AP3B1: variants seen among roughly 807,000 people sequenced by gnomAD.
The protein encoded by AP3B1 is AP-3 complex subunit beta-1.
AP3B1 carries 61 observed loss-of-function variants against 132.5 expected under a neutral mutation model. The observed-to-expected ratio is 0.46, with a 90% confidence interval of 0.37 to 0.57. The LOEUF (loss-of-function observed/expected upper bound fraction) is 0.57. Among genes scored for constraint, AP3B1 ranks in the 20% least tolerant of loss-of-function variants. The probability of loss-of-function intolerance (pLI) is 0.00; values close to 1 mark genes in which losing one functional copy is unlikely to be tolerated. For synonymous variants in AP3B1, 388 were observed against 438.3 expected (o/e 0.89, Z 1.43); for missense variants, 1,120 against 1,289.4 (o/e 0.87, Z 2.01).
intron 14 of AP3B1, among the ~76,000 whole-genome samples, chr5:78,155,060 C>A (rs1743091466): frequency 6.6e-6 from 1 of 152,154 alleles, no homozygotes; most frequent in Non-Finnish European, 1.5e-5. Context: ...TTATTGTAGT[C>A]TTCACAGTCT....
intron 22 of AP3B1, among the ~76,000 whole-genome samples, chr5:78,052,875 T>C (rs1368197783): frequency 2.6e-5 from 4 of 152,354 alleles, no homozygotes; most frequent in African/African-American, 7.2e-5. Flanking sequence ...ATACTATTCA[T>C]ACATATGTTC....
chr5:78,199,221 T>C (rs1745193955), intron 7 of AP3B1, among the ~76,000 whole-genome samples: 1 of 152,242 alleles, frequency 6.6e-6, no homozygotes, highest in Non-Finnish European at 1.5e-5. Context: ...AGCTCTAGTA[T>C]GTAAGAAACA....
intron 22 of AP3B1, among the ~76,000 whole-genome samples, chr5:78,044,446 T>A (rs541432467): frequency 1.3e-5 from 2 of 152,350 alleles, no homozygotes; most frequent in Admixed American, 1.3e-4. Flanking sequence ...CACAAACATA[T>A]TTGTTATCAA....
downstream of AP3B1, chr5:78,001,009 AT>A (rs1468301297): frequency 3.3e-5 from 5 of 152,222 alleles, no homozygotes; most frequent in Admixed American, 6.5e-5. Context: ...ACTACATTAT[AT>A]TATTGATTTA....
intron 13 of AP3B1, among the ~76,000 whole-genome samples, chr5:78,157,323 G>A (rs1743194462): frequency 6.6e-6 from 1 of 151,958 alleles, no homozygotes; most frequent in African/African-American, 2.4e-5. Context: ...CCTTAATCCT[G>A]ACCACAGTTT....
intron 18 of AP3B1, among the ~76,000 whole-genome samples, chr5:78,115,107 C>T (rs772848456): frequency 1.2e-4 from 18 of 152,108 alleles, no homozygotes; most frequent in Non-Finnish European, 2.2e-4. Context: ...AATAAAGCTA[C>T]TAAATAAGGA....
At chr5:78,101,115 CCT>C in intron 20 of AP3B1, 90 bp from the exon 21 acceptor site, 1 of 746,418 alleles carries the variant, frequency 1.3e-6, no homozygotes. Flanking sequence ...ACTTTTTTTT[CCT>C]CTGCTTAGTG....
intron 7 of AP3B1, among the ~76,000 whole-genome samples, chr5:78,207,973 A>C (rs535235955): frequency 6.6e-6 from 1 of 152,312 alleles, no homozygotes; most frequent in East Asian, 1.9e-4. Flanking sequence ...AGTGACACTG[A>C]AAGTCTCAAA....
chr5:78,174,950 G>C (rs191859018), intron 11 of AP3B1, among the ~76,000 whole-genome samples: 208 of 152,380 alleles, frequency 1.4e-3, no homozygotes, highest in Non-Finnish European at 1.4e-3. Flanking sequence ...CCCAAGCCAG[G>C]CTGCTGCCTC....
intron 22 of AP3B1, among the ~76,000 whole-genome samples, chr5:78,084,541 A>G (rs1750152313): frequency 6.8e-6 from 1 of 147,860 alleles, no homozygotes; most frequent in Non-Finnish European, 1.5e-5. Context: ...AAAAAAAAAA[A>G]AAAAAGAAAA....
At chr5:78,157,676 C>T (rs919390741) in intron 13 of AP3B1, among the ~76,000 whole-genome samples, 1 of 152,088 alleles carries the variant, frequency 6.6e-6, no homozygotes, top group African/African-American at 2.4e-5. Context: ...GGCTTCATGG[C>T]TATTAGGAAT....
At chr5:78,185,794 C>T (rs1000108289) in intron 7 of AP3B1, among the ~76,000 whole-genome samples, 3 of 151,960 alleles carry the variant, frequency 2.0e-5, no homozygotes, top group African/African-American at 7.3e-5. Context: ...CACTGGAGCC[C>T]AATACTTTGA....
intron 16 of AP3B1, among the ~76,000 whole-genome samples, chr5:78,128,750 T>C (rs1752568393): frequency 6.6e-6 from 1 of 152,066 alleles, no homozygotes; most frequent in Admixed American, 6.6e-5. Flanking sequence ...CTGATATTAG[T>C]GTACACAGAA....
At chr5:78,022,526 T>C (rs1355540126) in intron 24 of AP3B1, among the ~76,000 whole-genome samples, 2 of 152,184 alleles carry the variant, frequency 1.3e-5, no homozygotes, top group Non-Finnish European at 2.9e-5. Flanking sequence ...TTTATGGCTG[T>C]TGTTGTGGAA....
At chr5:78,167,581 C>A (rs1017184813) in intron 11 of AP3B1, among the ~76,000 whole-genome samples, 1 of 151,830 alleles carries the variant, frequency 6.6e-6, no homozygotes, top group African/African-American at 2.4e-5. Context: ...AATATGGAAC[C>A]AGCCCAAATG....
chr5:78,070,538 ACAAAAG>A (rs1749492207), intron 22 of AP3B1, among the ~76,000 whole-genome samples: 1 of 152,136 alleles, frequency 6.6e-6, no homozygotes, highest in Admixed American at 6.5e-5. Flanking sequence ...AGCAACTACA[ACAAAAG>A]CAAAAATTGA....
intron 7 of AP3B1, among the ~76,000 whole-genome samples, chr5:78,195,058 C>A (rs1745022615): frequency 3.0e-5 from 4 of 133,648 alleles, no homozygotes; most frequent in Non-Finnish European, 1.6e-5. Context: ...TTAAGCTGGA[C>A]CAAACCAAAA....
rs1014030717 is a variant in AP3B1, at chr5:78,247,508, GT to G, written c.205-6573del. Among the ~76,000 whole-genome samples, 183 of 145,494 alleles carry G rather than the reference GT, an allele frequency of 1.3e-3. 1 individual carries two copies. The highest frequency in any genetic ancestry group is 4.0e-3 in the African/African-American group (161 of 39,886). On this transcript the variant is annotated intron_variant, in intron 2 of 26. Transcript: ENST00000255194. ...CAATCTTTCCTGTCAGTTCTAACAG[GT>G]TTTTTTTTTTACTCCGTTTTTGAAG...
At chr5:78,164,316 A>G (rs910222754) in intron 12 of AP3B1, among the ~76,000 whole-genome samples, 1 of 152,130 alleles carries the variant, frequency 6.6e-6, no homozygotes, top group African/African-American at 2.4e-5. Flanking sequence ...TTTGACTGAA[A>G]AATGGACCTT....
Sources: allele counts gnomAD v4.1 joint callset (sites outside exome capture counted in the v4.1 genomes callset), GRCh38; gene constraint gnomAD v4.1.1; transcripts MANE v1.5; gene names NCBI Gene and HGNC (gene_info 2026-07-23, HGNC 2026-07-21).